PLA2G4A: variants seen among roughly 807,000 people sequenced by gnomAD.
PLA2G4A encodes cytosolic phospholipase A2.
A neutral mutation model predicts 81.9 loss-of-function variants in PLA2G4A; 40 were observed. That is an observed-to-expected ratio of 0.49 (90% CI 0.38 to 0.64). The LOEUF is 0.64. PLA2G4A is among the 30% of genes least tolerant of loss of function. The probability of loss-of-function intolerance (pLI) is 0.00; values close to 1 mark genes in which losing one functional copy is unlikely to be tolerated. For missense variants in PLA2G4A, 715 were observed against 905.1 expected, an observed-to-expected ratio of 0.79 and a Z score of 2.69; for synonymous variants, 302 against 296.9, an observed-to-expected ratio of 1.02 and a Z score of -0.18.
At chr1:186,953,663 G>A (rs576303377) in intron 13 of PLA2G4A, among the ~76,000 whole-genome samples, 1 of 152,274 alleles carries the variant, frequency 6.6e-6, no homozygotes, top group Admixed American at 6.5e-5. Context: ...TTTAGCAAAT[G>A]CATACAAAAG....
chr1:186,910,881 A>G (rs1439423776), intron 6 of PLA2G4A, among the ~76,000 whole-genome samples: 1 of 152,218 alleles, frequency 6.6e-6, no homozygotes, highest in Admixed American at 6.5e-5. Context: ...GTGGAGAGAT[A>G]AGGGAAGGAA....
At chr1:186,935,364 CG>C (rs1411301016) in intron 8 of PLA2G4A, among the ~76,000 whole-genome samples, 1 of 149,646 alleles carries the variant, frequency 6.7e-6, no homozygotes, top group Non-Finnish European at 1.5e-5. Flanking sequence ...GGAAGGAGCT[CG>C]GTCATTGTTT....
In PLA2G4A at chr1:186,831,779, T is replaced by C. The variant is rs146363365; in HGVS notation, c.-70+2744T>C. Among the ~76,000 whole-genome samples the C allele has an allele frequency of 1.8e-4, 27 of 152,198 alleles. No individual in the cohort carries two copies. The East Asian group carries it at 4.1e-3, about 23-fold the overall frequency. ...CATTAATTCAATCAACAAATATCTA[T>C]TGAGTACCCAGTATGCATCAGCAAA... is the stretch of plus-strand genomic sequence containing the variant. On this transcript the variant is annotated intron_variant, in intron 1 of 17. Coordinates refer to ENST00000367466, the MANE Select transcript of PLA2G4A (RefSeq NM_024420.3).
At chr1:186,926,909 G>A (rs953409070) in intron 7 of PLA2G4A, among the ~76,000 whole-genome samples, 2 of 152,114 alleles carry the variant, frequency 1.3e-5, no homozygotes, top group Non-Finnish European at 2.9e-5. Flanking sequence ...CATAACACTC[G>A]TGGTCAATAA....
chr1:186,912,918 G>A (rs1405390097), intron 7 of PLA2G4A, among the ~76,000 whole-genome samples: 33 of 149,006 alleles, frequency 2.2e-4, no homozygotes, highest in East Asian at 1.9e-4. Flanking sequence ...GAAAAGTTTA[G>A]CCTCAAATAT....
At chr1:186,882,461 A>G (rs1430147322) in intron 3 of PLA2G4A, among the ~76,000 whole-genome samples, 1 of 152,166 alleles carries the variant, frequency 6.6e-6, no homozygotes, top group Non-Finnish European at 1.5e-5. Context: ...TACAGCAAAG[A>G]TCTGTTAGAA....
intron 7 of PLA2G4A, among the ~76,000 whole-genome samples, chr1:186,915,007 T>TAGCAAACA (rs1225500005): frequency 6.6e-6 from 1 of 152,166 alleles, no homozygotes; most frequent in Non-Finnish European, 1.5e-5. Flanking sequence ...GAAGTACAGG[T>TAGCAAACA]AGCAAACAAG....
intron 1 of PLA2G4A, among the ~76,000 whole-genome samples, chr1:186,836,447 A>G (rs936752026): frequency 2.6e-5 from 4 of 152,034 alleles, no homozygotes; most frequent in South Asian, 2.1e-4. Context: ...TCTCATATAA[A>G]TTTTAAGTTT....
intron 15 of PLA2G4A, among the ~76,000 whole-genome samples, chr1:186,966,086 A>G (rs970035776): frequency 6.6e-6 from 1 of 150,954 alleles, no homozygotes; most frequent in African/African-American, 2.4e-5. Flanking sequence ...GGCAGAAATC[A>G]GACCAGAGTG....
intron 5 of PLA2G4A, among the ~76,000 whole-genome samples, chr1:186,903,438 C>A (rs1654620319): frequency 6.6e-6 from 1 of 152,120 alleles, no homozygotes; most frequent in Non-Finnish European, 1.5e-5. Context: ...GCAGGGGTCC[C>A]CAACCCCTGG....
intron 8 of PLA2G4A, among the ~76,000 whole-genome samples, chr1:186,934,370 G>A (rs1285199252): frequency 6.7e-6 from 1 of 149,458 alleles, no homozygotes; most frequent in Admixed American, 6.8e-5. Context: ...TAGATTTGGT[G>A]CAATATCTTC....
At chr1:186,941,389 C>T (rs1277881368) in intron 10 of PLA2G4A, among the ~76,000 whole-genome samples, 1 of 152,150 alleles carries the variant, frequency 6.6e-6, no homozygotes, top group African/African-American at 2.4e-5. Flanking sequence ...AATTAGCACA[C>T]ATGGGATCCA....
At chr1:186,919,887 A>G (rs12744618) in intron 7 of PLA2G4A, among the ~76,000 whole-genome samples, 4 of 152,030 alleles carry the variant, frequency 2.6e-5, no homozygotes, top group Non-Finnish European at 5.9e-5. Flanking sequence ...GACAGGCAGG[A>G]GGGGGGGTGT....
intron 7 of PLA2G4A, among the ~76,000 whole-genome samples, chr1:186,924,256 C>T (rs1041297070): frequency 9.2e-5 from 14 of 152,190 alleles, no homozygotes; most frequent in Non-Finnish European, 1.9e-4. Flanking sequence ...ATTCTCTCCT[C>T]CCTTCTGCTC....
intron 15 of PLA2G4A, among the ~76,000 whole-genome samples, chr1:186,965,808 G>T (rs1355494443): frequency 6.6e-6 from 1 of 152,132 alleles, no homozygotes; most frequent in Non-Finnish European, 1.5e-5. Flanking sequence ...TCAGAGCCCT[G>T]AGCAGGACAA....
rs943260194 is a variant in PLA2G4A, at chr1:186,829,724, C to CA, written c.-70+697dup. ...GTGGATATTTCAGTAATTTTGTTTC[C>CA]AAAAAAAACAGAAAAAAAAGGTATT... On this transcript the variant is annotated intron_variant, in intron 1 of 17. Coordinates refer to ENST00000367466, the MANE Select transcript of PLA2G4A (RefSeq NM_024420.3). Among the ~76,000 whole-genome samples, 310 of 149,520 alleles carry CA rather than the reference C, an allele frequency of 2.1e-3. 1 individual carries two copies. Among genetic ancestry groups the CA allele is most frequent in the African/African-American group, 5.3e-3 (214 of 40,416 alleles).
At chr1:186,930,878 G>C (rs1004254194) in intron 7 of PLA2G4A, among the ~76,000 whole-genome samples, 1 of 152,016 alleles carries the variant, frequency 6.6e-6, no homozygotes, top group African/African-American at 2.4e-5. Context: ...GCCTATCTTG[G>C]CCTGAACCTT....
intron 15 of PLA2G4A, among the ~76,000 whole-genome samples, chr1:186,970,718 A>T (rs1286588288): frequency 2.6e-5 from 4 of 151,842 alleles, no homozygotes; most frequent in Admixed American, 1.3e-4. Flanking sequence ...GTTGAACTGC[A>T]ATGGGTGGAT....
At chr1:186,944,120 T>G (rs1656254287) in intron 10 of PLA2G4A, among the ~76,000 whole-genome samples, 1 of 152,036 alleles carries the variant, frequency 6.6e-6, no homozygotes, top group South Asian at 2.1e-4. Context: ...CTGAAATAGG[T>G]AAGCTGGCCC....
Sources: gnomAD v4.1 joint callset for allele counts (sites outside exome capture counted in the v4.1 genomes callset) on GRCh38, gnomAD v4.1.1 for gene constraint, MANE v1.5 for transcripts, NCBI Gene and HGNC (gene_info 2026-07-23, HGNC 2026-07-21) for gene names.